The following RRP12 variants were observed in gnomAD, a reference collection of about 807,000 sequenced individuals.
The protein encoded by RRP12 is RRP12-like protein.
Under a neutral mutation model 157.3 loss-of-function variants are expected in RRP12, and 78 were observed. The observed-to-expected ratio is 0.50, with a 90% CI of 0.41 to 0.60. The LOEUF (loss-of-function observed/expected upper bound fraction) is 0.60. RRP12 is among the 20% of genes least tolerant of loss of function. RRP12 has a pLI of 0.00. For synonymous variants in RRP12, 726 were observed against 670.9 expected, an observed-to-expected ratio of 1.08 and a Z score of -1.27; for missense variants, 1,521 against 1,679.9, an observed-to-expected ratio of 0.91 and a Z score of 1.65.
intron 32 of RRP12, 152 bp from the exon 33 acceptor site, chr10:97,358,771 C>T: frequency 2.5e-6 from 2 of 786,916 alleles, no homozygotes; most frequent in Non-Finnish European, 4.3e-6. Flanking sequence ...TCAATAAGGT[C>T]CCCCATTTCA....
Position 97,385,903 on chromosome 10 carries a change from T to C in RRP12, c.1108A>G (p.Ile370Val). ...CCACCAACAGGCCTCACCGTGATGA[T>C]CTGGGCGTTGAGCTCTGCTGACAGG... is the stretch of plus-strand genomic sequence containing the variant. Reference protein sequence around the residue: ...STLSAELNAQIITALYDYVPS... With the variant: ...STLSAELNAQVITALYDYVPS... Residue 370 changes from isoleucine to valine, a missense_variant, in exon 9 of 34, where the codon ATC becomes GTC. Ile to Val is a conservative substitution (Grantham distance 29). Coordinates refer to ENST00000370992, the MANE Select transcript of RRP12 (RefSeq NM_015179.4). 2 of 1,602,776 alleles carry C rather than the reference T, an allele frequency of 1.2e-6. No individual in the cohort carries two copies. The highest frequency in any genetic ancestry group is 1.7e-4 in the Middle Eastern group (1 of 6,014).
intron 27 of RRP12, 46 bp from the exon 28 acceptor site, chr10:97,366,667 G>A (rs1169169717): frequency 4.4e-6 from 7 of 1,598,558 alleles, no homozygotes; most frequent in Non-Finnish European, 5.1e-6. Flanking sequence ...GGAGAGGCGG[G>A]GGTCAGCGGG....
At position 97,373,110 on chromosome 10, in the gene RRP12, G is replaced by T. The variant is rs368958704; in HGVS notation, c.2117C>A (p.Thr706Asn). ...LYGQPVAAGD[T>N]PAPRRAVLET... ...CAGCACAGCCCGGCGAGGGGCTGGA[G>T]TGTCCCCGGCTGCCACGGGCTGCCC... The change falls in exon 18 of 34, where the codon ACT (threonine) becomes AAT (asparagine). Residue 706 changes from threonine (T) to asparagine (N), a missense_variant. Transcript: ENST00000370992. The T allele has an allele frequency of 1.2e-6, 2 of 1,614,164 alleles. No homozygotes were observed. Among genetic ancestry groups the T allele is most frequent in the Admixed American group, 3.3e-5 (2 of 60,030 alleles).
chr10:97,360,079 C>T (rs1045267341), intron 31 of RRP12, among the ~76,000 whole-genome samples: 1 of 152,222 alleles, frequency 6.6e-6, no homozygotes, highest in African/African-American at 2.4e-5. Context: ...TCTAGGAGGG[C>T]AACAGCTGGT....
chr10:97,363,741 C>G (rs902964668), intron 30 of RRP12, 113 bp downstream of exon 30: 6 of 982,696 alleles, frequency 6.1e-6, no homozygotes, highest in South Asian at 1.3e-5. Flanking sequence ...GAGGATGCAC[C>G]GAGCATTCCA....
chr10:97,373,504 A>G (rs1844217034), intron 17 of RRP12, 71 bp downstream of exon 17: 11 of 1,463,046 alleles, frequency 7.5e-6, no homozygotes, highest in Middle Eastern at 2.5e-4. Flanking sequence ...CAAGGAGTGT[A>G]GCAAGCCAGG....
chr10:97,367,346 A>G (rs1844018839), intron 25 of RRP12: 1 of 591,952 alleles, frequency 1.7e-6, no homozygotes, highest in Non-Finnish European at 3.0e-6. Context: ...CACAGGCCTG[A>G]GCACCCTCGC....
chr10:97,398,030 TATATACGTA>T (rs1845027467), intron 2 of RRP12, among the ~76,000 whole-genome samples: 2 of 95,720 alleles, frequency 2.1e-5, no homozygotes, highest in African/African-American at 9.4e-5. Context: ...TATGTATATA[TATATACGTA>T]TTTTTTTTTT....
In RRP12 at chr10:97,367,794, C is replaced by T. The variant is rs189802688; in HGVS notation, c.2956-662G>A. On this transcript the variant is annotated intron_variant, in intron 25 of 33. Coordinates refer to ENST00000370992, the MANE Select transcript of RRP12 (RefSeq NM_015179.4). ...TTGCCCAGGCTGGAGTGCAATGGCA[C>T]GATCTCAGCTCACTGCAACCTCCAC... 4.7e-3 allele frequency among the ~76,000 whole-genome samples: 708 copies of T among 151,870 alleles called. 2 individuals carry two copies. Among genetic ancestry groups the T allele is most frequent in the Non-Finnish European group, 7.8e-3 (531 of 67,900 alleles).
chr10:97,400,256 A>T, intron 2 of RRP12, 49 bp downstream of exon 2: 1 of 1,373,974 alleles, frequency 7.3e-7, no homozygotes, highest in Non-Finnish European at 1.0e-6. Flanking sequence ...AAAAGGCATG[A>T]GTTGGCCTCT....
chr10:97,377,286 G>C (rs1161370718), intron 15 of RRP12, among the ~76,000 whole-genome samples: 1 of 151,702 alleles, frequency 6.6e-6, no homozygotes, highest in Non-Finnish European at 1.5e-5. Flanking sequence ...GGAGGCCGAG[G>C]CAGGTAGATT....
chr10:97,371,086 C>T lies in RRP12; in HGVS notation c.2344-5G>A, dbSNP rs774473642. ...CTGCACCCCGTGGGCCTTGCTCTGG[C>T]AGACAGGAACCGGTGAGGGAGGCCT... is the stretch of plus-strand genomic sequence containing the variant. On this transcript the variant is annotated splice_region_variant and splice_polypyrimidine_tract_variant and intron_variant, in intron 20 of 33. Transcript: ENST00000370992. The T allele has an allele frequency of 6.2e-7, 1 of 1,612,816 alleles. No homozygotes were observed. The highest frequency in any genetic ancestry group is 8.5e-7 in the Non-Finnish European group (1 of 1,179,618).
Position 97,366,836 on chromosome 10 carries a change from G to A in RRP12, c.3121C>T (p.Arg1041Trp), listed in dbSNP as rs183155457. The A allele has an allele frequency of 9.9e-6, 16 of 1,614,114 alleles. No individual in the cohort carries two copies. The highest frequency in any genetic ancestry group is 6.7e-5 in the East Asian group (3 of 44,878). The change falls in exon 27 of 34, where the codon CGG (arginine) becomes TGG (tryptophan). Residue 1041 changes from arginine to tryptophan, a missense_variant. Coordinates refer to ENST00000370992, the MANE Select transcript of RRP12 (RefSeq NM_015179.4). ...CTCAGGGCTCGGTGCCTCTTGGCCC[G>A]GGCCTCAGCTTTCCGGATGTTGACC... ...VLVNIRKAEA[R>W]AKRHRALSQA...
chr10:97,359,727 T>A (rs1843794684), intron 31 of RRP12, among the ~76,000 whole-genome samples: 1 of 152,210 alleles, frequency 6.6e-6, no homozygotes, highest in Non-Finnish European at 1.5e-5. Context: ...GTCAAACAGC[T>A]AAGCAGAGGT....
intron 21 of RRP12, 43 bp downstream of exon 21, chr10:97,370,880 G>A: frequency 1.2e-6 from 2 of 1,611,520 alleles, no homozygotes; most frequent in Non-Finnish European, 1.7e-6. Context: ...TCCTGGTGTT[G>A]CCCAGGCTCC....
At chr10:97,377,138 C>A (rs561600106) in intron 15 of RRP12, among the ~76,000 whole-genome samples, 1 of 152,030 alleles carries the variant, frequency 6.6e-6, no homozygotes. Flanking sequence ...CCTCGGCCTC[C>A]CCGAGTGCTA....
intron 24 of RRP12, 137 bp downstream of exon 24, chr10:97,370,030 G>T: frequency 1.5e-6 from 1 of 651,224 alleles, no homozygotes; most frequent in Non-Finnish European, 2.7e-6. Flanking sequence ...GAGACAGGGA[G>T]GCAAACTGGG....
chr10:97,364,949 G>C (rs1843933081), intron 29 of RRP12, among the ~76,000 whole-genome samples: 1 of 152,134 alleles, frequency 6.6e-6, no homozygotes, highest in African/African-American at 2.4e-5. Flanking sequence ...AGTATACAGG[G>C]GCGAGAGAGG....
rs1457965288 is a variant in RRP12 at position 97,385,251 on chromosome 10, A to T, written c.1123T>A (p.Tyr375Asn). Residue 375 changes from tyrosine to asparagine, a missense_variant, in exon 10 of 34, where the codon TAC becomes AAC. Physicochemically the swap from Tyr to Asn is moderately radical, Grantham distance 143. Transcript: ENST00000370992. ...ELNAQIITALYDYVPSENDLQ... is the reference protein window; with the variant it reads ...ELNAQIITALNDYVPSENDLQ... ...TCATTCTCACTGGGAACATAGTCGT[A>T]CAGGGCCTAAAAGTGGGAATAAGCA... 3.7e-6 allele frequency: 6 copies of T among 1,613,680 alleles called. No homozygotes were observed. In the East Asian group the frequency reaches 1.1e-4, roughly 30 times the overall value.
Sources: allele counts gnomAD v4.1 joint callset (sites outside exome capture counted in the v4.1 genomes callset), GRCh38; gene constraint gnomAD v4.1.1; transcripts MANE v1.5; gene names NCBI Gene and HGNC (gene_info 2026-07-23, HGNC 2026-07-21).